Variants in LRRFIP2 observed in about 807,000 individuals in gnomAD.
LRRFIP2 encodes leucine-rich repeat flightless-interacting protein 2.
LRRFIP2 carries 109 observed loss-of-function variants against 125.9 expected under a neutral mutation model. The ratio of observed to expected loss-of-function variants is 0.87; its 90% CI spans 0.74 to 1.01. LRRFIP2 has a LOEUF of 1.01. LRRFIP2 is among the 50% of genes least tolerant of loss of function. The pLI, the probability that LRRFIP2 is intolerant of heterozygous loss-of-function variation, is 0.00. For synonymous variants in LRRFIP2, 291 were observed against 293.1 expected, an observed-to-expected ratio of 0.99 and a Z score of 0.07; for missense variants, 850 against 862.3, an observed-to-expected ratio of 0.99 and a Z score of 0.18.
chr3:37,096,617 C>G lies in LRRFIP2; in HGVS notation c.917G>C (p.Arg306Thr). 3.2e-6 allele frequency: 5 copies of G among 1,553,706 alleles called. No homozygotes were observed. The highest frequency in any genetic ancestry group is 4.4e-6 in the Non-Finnish European group (5 of 1,132,984). The change falls in exon 16 of 28, where the codon AGA becomes ACA. Residue 306 changes from arginine to threonine, a missense_variant and splice_region_variant. Arg to Thr is a moderately conservative substitution (Grantham distance 71, BLOSUM62 -1). Coordinates refer to ENST00000336686, the MANE Select transcript of LRRFIP2 (RefSeq NM_006309.4). ...TCCCTTAGGAATTTACATACTCACT[C>G]TTGTATAATTTTCAGCATACTGTTT... ...SDKQYAENYT[R>T]PSSRNSASAT...
intron 1 of LRRFIP2, among the ~76,000 whole-genome samples, chr3:37,150,788 C>A (rs2096002177): frequency 6.6e-6 from 1 of 152,182 alleles, no homozygotes; most frequent in African/African-American, 2.4e-5. Context: ...AAGAAATTCT[C>A]AAGTAAGTCT....
chr3:37,087,490 G>C (rs2093132297), intron 18 of LRRFIP2, among the ~76,000 whole-genome samples: 1 of 151,984 alleles, frequency 6.6e-6, no homozygotes, highest in Admixed American at 6.6e-5. Flanking sequence ...TTAAACACTA[G>C]ACCACAAAAG....
chr3:37,174,200 T>C (rs917567759), intron 1 of LRRFIP2: 2 of 152,172 alleles, frequency 1.3e-5, no homozygotes, highest in African/African-American at 4.8e-5. Flanking sequence ...AAGTTCTTTA[T>C]AAATGAAAAT....
At chr3:37,162,492 A>T (rs1169365336) in intron 1 of LRRFIP2, among the ~76,000 whole-genome samples, 1 of 152,196 alleles carries the variant, frequency 6.6e-6, no homozygotes, top group African/African-American at 2.4e-5. Flanking sequence ...ATCTATAAGT[A>T]GCCTATACCA....
chr3:37,126,363 T>A (rs755306111), intron 4 of LRRFIP2, among the ~76,000 whole-genome samples: 4 of 152,098 alleles, frequency 2.6e-5, no homozygotes, highest in Admixed American at 6.6e-5. Flanking sequence ...TAAAAGCAAG[T>A]GTCAGAACGG....
chr3:37,059,710 C>T (rs1283369264), intron 24 of LRRFIP2, among the ~76,000 whole-genome samples: 2 of 151,908 alleles, frequency 1.3e-5, no homozygotes, highest in South Asian at 2.1e-4. Flanking sequence ...TCATTTGAAC[C>T]TGGTAGGTGG....
intron 20 of LRRFIP2, among the ~76,000 whole-genome samples, chr3:37,074,301 G>C (rs912777045): frequency 6.6e-6 from 1 of 152,136 alleles, no homozygotes; most frequent in Non-Finnish European, 1.5e-5. Flanking sequence ...TGACATCTCT[G>C]GCGTGTCAAC....
chr3:37,159,124 T>C (rs1453275405), intron 1 of LRRFIP2, among the ~76,000 whole-genome samples: 4 of 152,248 alleles, frequency 2.6e-5, no homozygotes, highest in Non-Finnish European at 5.9e-5. Flanking sequence ...TTACCTCTTA[T>C]ATTTAGGTCC....
chr3:37,063,232 T>C (rs1269768334), intron 24 of LRRFIP2, among the ~76,000 whole-genome samples: 1 of 152,178 alleles, frequency 6.6e-6, no homozygotes, highest in East Asian at 1.9e-4. Context: ...AGGGTCCTAA[T>C]GACACAAGCA....
intron 1 of LRRFIP2, among the ~76,000 whole-genome samples, chr3:37,168,990 T>C (rs75888249): frequency 0.078 from 11,828 of 152,276 alleles, 858 homozygotes; most frequent in East Asian, 0.33. Context: ...TTTCTATGTT[T>C]AGATACACGA....
intron 1 of LRRFIP2, chr3:37,154,670 C>T (rs777473014): frequency 3.3e-5 from 5 of 152,172 alleles, no homozygotes; most frequent in Non-Finnish European, 7.4e-5. Context: ...CCAAAACAGA[C>T]AGATATTTCA....
chr3:37,054,698 G>A (rs1335184607), intron 26 of LRRFIP2, among the ~76,000 whole-genome samples, 183 bp from the exon 27 acceptor site: 2 of 152,202 alleles, frequency 1.3e-5, no homozygotes, highest in Non-Finnish European at 2.9e-5. Context: ...TGTCCCCAGA[G>A]AGGATTACAG....
intron 19 of LRRFIP2, among the ~76,000 whole-genome samples, chr3:37,078,574 A>G (rs2092340148): frequency 6.6e-6 from 1 of 152,198 alleles, no homozygotes; most frequent in South Asian, 2.1e-4. Flanking sequence ...TGTGAACTGG[A>G]ACTATCAGCA....
intron 4 of LRRFIP2, among the ~76,000 whole-genome samples, chr3:37,122,094 T>C (rs2095077831): frequency 8.8e-6 from 1 of 113,202 alleles, no homozygotes; most frequent in Non-Finnish European, 1.7e-5. Context: ...ACAAGCCCTA[T>C]GTGTGATGTT....
At chr3:37,139,474 T>C (rs893932679) in intron 2 of LRRFIP2, among the ~76,000 whole-genome samples, 1 of 152,202 alleles carries the variant, frequency 6.6e-6, no homozygotes, top group Non-Finnish European at 1.5e-5. Flanking sequence ...TCCCCTCCTG[T>C]GCCAATGTTT....
intron 4 of LRRFIP2, among the ~76,000 whole-genome samples, chr3:37,124,136 A>T (rs1194297605): frequency 1.3e-5 from 2 of 152,204 alleles, no homozygotes; most frequent in Admixed American, 6.5e-5. Flanking sequence ...GAAATATTCT[A>T]TATTTGTGCT....
chr3:37,069,760 C>T (rs1476031318), intron 21 of LRRFIP2, among the ~76,000 whole-genome samples: 4 of 152,112 alleles, frequency 2.6e-5, no homozygotes, highest in South Asian at 4.1e-4. Context: ...AGAGTCAACT[C>T]GTGATTCAAT....
chr3:37,129,118 G>A lies in LRRFIP2; in HGVS notation c.122C>T (p.Ala41Val). 6.2e-7 allele frequency: 1 copy of A among 1,613,958 alleles called. No individual in the cohort carries two copies. The highest frequency in any genetic ancestry group is 8.5e-7 in the Non-Finnish European group (1 of 1,180,000). Reference protein sequence around the residue: ...AEARLAAKRAARAEARDIRMR... With the variant: ...AEARLAAKRAVRAEARDIRMR... Reference sequence around the variant, plus strand: ...GCGTATATCTCTTGCTTCTGCCCGGGCAGCCCGTTTTGCTGCCAGCCTTGC... The same window carrying A: ...GCGTATATCTCTTGCTTCTGCCCGGACAGCCCGTTTTGCTGCCAGCCTTGC... Residue 41 changes from alanine (A) to valine (V), a missense_variant, in exon 3 of 28, where the codon GCC (alanine) becomes GTC (valine). Transcript: ENST00000336686.
intron 2 of LRRFIP2, among the ~76,000 whole-genome samples, chr3:37,142,306 T>C (rs2095729366): frequency 6.6e-6 from 1 of 151,956 alleles, no homozygotes. Flanking sequence ...GCCTGGCTAA[T>C]TTTTGTATTT....
Sources: gnomAD v4.1 joint callset for allele counts (sites outside exome capture counted in the v4.1 genomes callset) on GRCh38, gnomAD v4.1.1 for gene constraint, MANE v1.5 for transcripts, NCBI Gene and HGNC (gene_info 2026-07-23, HGNC 2026-07-21) for gene names.